Variants in KCNK10 observed in about 807,000 individuals in gnomAD.
KCNK10 encodes potassium channel subfamily K member 10.
KCNK10 carries 25 observed loss-of-function variants against 47.7 expected under a neutral mutation model. That is an observed-to-expected ratio of 0.52 (90% CI 0.38 to 0.73). The LOEUF is 0.73. Ranked by LOEUF, KCNK10 falls within the 30% of genes least tolerant of loss-of-function variation. The pLI is 0.00. For synonymous variants in KCNK10, 303 were observed against 285.6 expected, an observed-to-expected ratio of 1.06 and a Z score of -0.61; for missense variants, 563 against 714.5, an observed-to-expected ratio of 0.79 and a Z score of 2.42.
At chr14:88,192,134 C>G in intron 5 of KCNK10, 90 bp downstream of exon 5, 1 of 1,272,240 alleles carries the variant, frequency 7.9e-7, no homozygotes, top group Non-Finnish European at 1.1e-6. Context: ...TTGCTTCTCC[C>G]GCAACATCTT....
At chr14:88,317,129 T>G (rs1888443679) in intron 1 of KCNK10, among the ~76,000 whole-genome samples, 1 of 152,200 alleles carries the variant, frequency 6.6e-6, no homozygotes. Context: ...TGGAACACTG[T>G]TCCTTGGTAC....
rs28521756 is a variant in KCNK10, at chr14:88,276,451, T to C, written c.53-12900A>G. Among the ~76,000 whole-genome samples, 1,016 of 152,238 alleles carry C rather than the reference T, an allele frequency of 6.7e-3. 13 individuals carry two copies. Among genetic ancestry groups the C allele is most frequent in the African/African-American group, 0.023 (973 of 41,496 alleles). Reference sequence around the variant, plus strand: ...CTACTCAGTCTATGGTATTTCATTATAGTAGCCCTAAGGCACACTAAGACA... The same window carrying C: ...CTACTCAGTCTATGGTATTTCATTACAGTAGCCCTAAGGCACACTAAGACA... On this transcript the variant is annotated intron_variant, in intron 1 of 6. Transcript: ENST00000319231.
chr14:88,310,151 C>CATATGGTATATGATATACCATA (rs1405057167), intron 1 of KCNK10, among the ~76,000 whole-genome samples: 3 of 6,776 alleles, frequency 4.4e-4, no homozygotes, highest in African/African-American at 2.2e-3. Flanking sequence ...TAATCCATAT[C>CATATGGTATATGATATACCATA]TCTCTCATAT....
At chr14:88,301,204 G>A (rs977079354) in intron 1 of KCNK10, among the ~76,000 whole-genome samples, 10 of 152,230 alleles carry the variant, frequency 6.6e-5, no homozygotes, top group Admixed American at 2.6e-4. Flanking sequence ...GATAATGTAC[G>A]CAAAATGCCT....
chr14:88,257,844 T>G (rs1455421533), intron 2 of KCNK10, among the ~76,000 whole-genome samples: 1 of 152,216 alleles, frequency 6.6e-6, no homozygotes, highest in Non-Finnish European at 1.5e-5. Flanking sequence ...TTGGCTTACA[T>G]GCCTCTTCCT....
At chr14:88,271,508 A>G (rs988441151) in intron 1 of KCNK10, among the ~76,000 whole-genome samples, 4 of 152,224 alleles carry the variant, frequency 2.6e-5, no homozygotes, top group African/African-American at 9.6e-5. Flanking sequence ...GACAAGAGAC[A>G]GGGCAGTATT....
At chr14:88,274,566 A>AAAAAT (rs55899872) in intron 1 of KCNK10, among the ~76,000 whole-genome samples, 25 of 139,658 alleles carry the variant, frequency 1.8e-4, no homozygotes, top group African/African-American at 7.8e-4. Flanking sequence ...AAAAAAAAAA[A>AAAAAT]GATCTTATGG....
chr14:88,225,860 A>G (rs1885967641), intron 4 of KCNK10, among the ~76,000 whole-genome samples: 1 of 152,222 alleles, frequency 6.6e-6, no homozygotes, highest in Non-Finnish European at 1.5e-5. Flanking sequence ...TTTAGGAAGA[A>G]CTAAACATCT....
rs1888590361 is a variant in KCNK10 at position 88,323,257 on chromosome 14, CG to C, written c.-460del. ...ACACACACACCCGCACACACACTCC[CG>C]GGCGCGCGCTTGGGCGGGCACGTCA... is the stretch of plus-strand genomic sequence containing the variant. On this transcript the variant is annotated 5_prime_UTR_variant, in exon 1 of 7. Transcript: ENST00000319231. 20 of 986,830 alleles carry C rather than the reference CG, an allele frequency of 2.0e-5. No individual in the cohort carries two copies. Among genetic ancestry groups the C allele is most frequent in the Middle Eastern group, 5.2e-4 (1 of 1,914 alleles). 61.1% of individuals were successfully genotyped at this position (986,830 alleles called of 1,614,324 possible). A position where few individuals can be genotyped will look rare whatever the true frequency, so the allele number is the denominator to read the frequency against.
intron 1 of KCNK10, among the ~76,000 whole-genome samples, chr14:88,280,181 C>T (rs1378305070): frequency 2.6e-5 from 4 of 152,162 alleles, no homozygotes; most frequent in East Asian, 3.8e-4. Context: ...TCTCTGCTAC[C>T]GACACAGGGG....
chr14:88,269,435 T>G (rs2139761069), intron 1 of KCNK10, among the ~76,000 whole-genome samples: 1 of 152,308 alleles, frequency 6.6e-6, no homozygotes, highest in African/African-American at 2.4e-5. Context: ...GAAGCTGTTT[T>G]TGTTTTGCTT....
In KCNK10 at chr14:88,183,877, C is replaced by G. The variant is rs527563493; in HGVS notation, c.*1658G>C. 1 of 152,500 alleles carries G rather than the reference C, an allele frequency of 6.6e-6. No homozygotes were observed. The highest frequency in any genetic ancestry group is 1.9e-4 in the East Asian group (1 of 5,322). The allele number at this position is 152,500 out of a possible 1,614,324, so 9.4% of individuals were successfully genotyped here. On this transcript the variant is annotated 3_prime_UTR_variant, in exon 7 of 7. Coordinates refer to ENST00000319231, the MANE Select transcript of KCNK10 (RefSeq NM_138317.3). ...ATGAGACAGTTTCTGGAAGTCTCCG[C>G]TAGTGCTGTGATCTTTTGGTAAATC...
At chr14:88,212,380 C>T (rs555249652) in intron 4 of KCNK10, among the ~76,000 whole-genome samples, 4 of 151,502 alleles carry the variant, frequency 2.6e-5, no homozygotes, top group East Asian at 1.9e-4. Context: ...GCAGAGGTTG[C>T]GGTGAGCCAA....
At chr14:88,222,152 A>C (rs1478391729) in intron 4 of KCNK10, among the ~76,000 whole-genome samples, 1 of 152,206 alleles carries the variant, frequency 6.6e-6, no homozygotes, top group Non-Finnish European at 1.5e-5. Flanking sequence ...AGGAAGAAGC[A>C]AAAGCAGAAA....
At position 88,208,805 on chromosome 14, in the gene KCNK10, G is replaced by A. The variant is rs186552083; in HGVS notation, c.682-16395C>T. On this transcript the variant is annotated intron_variant, in intron 4 of 6. Transcript: ENST00000319231. Reference sequence around the variant, plus strand: ...TCAAGCTAATCTGCAAAATAGTTTAGAATGAGAAGGGACAGTCCTGACAAC... The same window carrying A: ...TCAAGCTAATCTGCAAAATAGTTTAAAATGAGAAGGGACAGTCCTGACAAC... Among the ~76,000 whole-genome samples the A allele has an allele frequency of 2.4e-3, 370 of 152,206 alleles. 1 individual carries two copies. The highest frequency in any genetic ancestry group is 4.3e-3 in the Non-Finnish European group (291 of 68,006).
At chr14:88,231,188 G>A (rs947700390) in intron 3 of KCNK10, among the ~76,000 whole-genome samples, 4 of 152,090 alleles carry the variant, frequency 2.6e-5, no homozygotes, top group African/African-American at 9.7e-5. Flanking sequence ...GCTGAGGCGC[G>A]AGGACCATTT....
chr14:88,227,563 A>C, intron 3 of KCNK10, 28 bp from the exon 4 acceptor site: 1 of 1,564,592 alleles, frequency 6.4e-7, no homozygotes, highest in Non-Finnish European at 8.6e-7. Flanking sequence ...AAAGAGGGAG[A>C]GTGGCAGAGA....
intron 2 of KCNK10, among the ~76,000 whole-genome samples, chr14:88,258,003 A>G (rs1176351304): frequency 6.6e-6 from 1 of 152,046 alleles, no homozygotes; most frequent in Admixed American, 6.6e-5. Flanking sequence ...ACAACCAAAA[A>G]TGTCTCCGGA....
chr14:88,299,900 T>C (rs1345468137), intron 1 of KCNK10, among the ~76,000 whole-genome samples: 1 of 152,174 alleles, frequency 6.6e-6, no homozygotes, highest in Admixed American at 6.5e-5. Flanking sequence ...AATTAAAAAG[T>C]GAAGATGGCA....
Sources: gnomAD v4.1 joint callset for allele counts (sites outside exome capture counted in the v4.1 genomes callset) on GRCh38, gnomAD v4.1.1 for gene constraint, MANE v1.5 for transcripts, NCBI Gene and HGNC (gene_info 2026-07-23, HGNC 2026-07-21) for gene names.